Variants in LRP2 observed in about 807,000 individuals in gnomAD.
LRP2 encodes LDL receptor related protein 2.
LRP2 carries 172 observed loss-of-function variants against 531.0 expected under a neutral mutation model. That is an observed-to-expected ratio of 0.32 (90% CI 0.29 to 0.37). The LOEUF (loss-of-function observed/expected upper bound fraction) is 0.37, where lower values mean the gene tolerates loss of function less well. Ranked by LOEUF, LRP2 falls within the 10% of genes least tolerant of loss-of-function variation. The probability of loss-of-function intolerance (pLI) is 1.00; values close to 1 mark genes in which losing one functional copy is unlikely to be tolerated. For missense variants in LRP2, 5,167 were observed against 5,868.3 expected, an observed-to-expected ratio of 0.88 and a Z score of 3.90; for synonymous variants, 1,992 against 2,027.6, an observed-to-expected ratio of 0.98 and a Z score of 0.47.
intron 9 of LRP2, among the ~76,000 whole-genome samples, chr2:169,284,247 C>CTTTTTCT (rs1683782115): frequency 1.4e-5 from 1 of 72,238 alleles, no homozygotes; most frequent in Admixed American, 1.7e-4. Context: ...TTTTCTTTTT[C>CTTTTTCT]TTTTTTTTCT....
At chr2:169,208,366 T>G (rs1688471487) in intron 38 of LRP2, among the ~76,000 whole-genome samples, 1 of 152,234 alleles carries the variant, frequency 6.6e-6, no homozygotes, top group South Asian at 2.1e-4. Context: ...AATTAAAGCT[T>G]TATTTAACCA....
intron 1 of LRP2, among the ~76,000 whole-genome samples, chr2:169,337,134 A>T (rs1685427235): frequency 6.6e-6 from 1 of 151,998 alleles, no homozygotes; most frequent in Non-Finnish European, 1.5e-5. Flanking sequence ...CACGACCCTG[A>T]CCCCAAAAAT....
In LRP2 at chr2:169,129,075, A is replaced by G. The variant is rs1326760304; in HGVS notation, c.13738T>C (p.Trp4580Arg). 4.4e-6 allele frequency: 7 copies of G among 1,608,106 alleles called. No homozygotes were observed. Among genetic ancestry groups the G allele is most frequent in the African/African-American group, 4.0e-5 (3 of 74,792 alleles). Residue 4580 changes from tryptophan to arginine, a missense_variant, in exon 78 of 79, where the codon TGG becomes CGG. Trp to Arg is a moderately radical substitution (Grantham distance 101). Transcript: ENST00000649046. ...PAADGTQVTK[W>R]NLFKRKSKQT... ...TTAGATTTTCGTTTGAAGAGATTCC[A>G]TTTTGTCACCTAAATGAAAAGGGGA...
chr2:169,257,741 T>A (rs1690361823), intron 17 of LRP2, among the ~76,000 whole-genome samples: 1 of 148,910 alleles, frequency 6.7e-6, no homozygotes, highest in African/African-American at 2.5e-5. Context: ...ATCAATGCAA[T>A]GCAAACAGTA....
chr2:169,164,297 C>G (rs182811019), intron 62 of LRP2, among the ~76,000 whole-genome samples: 514 of 152,332 alleles, frequency 3.4e-3, no homozygotes, highest in South Asian at 7.5e-3. Context: ...ACATCTGGAA[C>G]TGATTGAGTG....
At chr2:169,271,360 A>G (rs1683408705) in intron 15 of LRP2, among the ~76,000 whole-genome samples, 1 of 152,070 alleles carries the variant, frequency 6.6e-6, no homozygotes, top group South Asian at 2.1e-4. Context: ...ATGTATTTAT[A>G]TGAAAAATGA....
intron 4 of LRP2, among the ~76,000 whole-genome samples, chr2:169,299,486 C>T (rs537241172): frequency 1.3e-5 from 2 of 150,828 alleles, no homozygotes; most frequent in African/African-American, 4.9e-5. Context: ...CATAACAGAG[C>T]TATCACCAAA....
At chr2:169,303,986 C>T (rs1431807385) in intron 4 of LRP2, among the ~76,000 whole-genome samples, 1 of 152,172 alleles carries the variant, frequency 6.6e-6, no homozygotes, top group Non-Finnish European at 1.5e-5. Context: ...TCCTCTGCTT[C>T]GTTCCCTTTT....
chr2:169,278,889 AG>A (rs1683625802), intron 12 of LRP2, among the ~76,000 whole-genome samples: 1 of 152,348 alleles, frequency 6.6e-6, no homozygotes, highest in South Asian at 2.1e-4. Flanking sequence ...ACTTGTAATG[AG>A]ATATTAGCAT....
In LRP2 at chr2:169,192,040, C is replaced by T; in HGVS notation, c.8831-7G>A. ...TCCGAGCAGTTTTGATTCTCTGAAA[C>T]CAAAGCACGCAAGAATCAGAAAGCA... On this transcript the variant is annotated splice_polypyrimidine_tract_variant and splice_region_variant and intron_variant, in intron 47 of 78. Coordinates refer to ENST00000649046, the MANE Select transcript of LRP2 (RefSeq NM_004525.3). 1 of 1,608,584 alleles carries T rather than the reference C, an allele frequency of 6.2e-7. No individual in the cohort carries two copies. The highest frequency in any genetic ancestry group is 1.7e-4 in the Middle Eastern group (1 of 6,022).
At chr2:169,268,237 A>C (rs1238811748) in intron 16 of LRP2, among the ~76,000 whole-genome samples, 1 of 152,176 alleles carries the variant, frequency 6.6e-6, no homozygotes, top group East Asian at 1.9e-4. Flanking sequence ...AAAAGAGGGA[A>C]TCATCCCTAA....
At chr2:169,275,603 T>C (rs867856629) in intron 13 of LRP2, among the ~76,000 whole-genome samples, 11 of 151,952 alleles carry the variant, frequency 7.2e-5, no homozygotes, top group African/African-American at 2.4e-4. Context: ...AGTGAAAGAG[T>C]ATACCAAGAC....
chr2:169,299,123 GAA>G (rs1375043180), intron 4 of LRP2, among the ~76,000 whole-genome samples: 3,349 of 88,040 alleles, frequency 0.038, 284 homozygotes, highest in Middle Eastern at 0.057. Flanking sequence ...AAGAAAGAAA[GAA>G]AGAAAGAAAG....
intron 13 of LRP2, among the ~76,000 whole-genome samples, chr2:169,276,514 AATTT>A (rs1683558552): frequency 6.6e-6 from 1 of 152,122 alleles, no homozygotes; most frequent in Non-Finnish European, 1.5e-5. Context: ...TTTTTCATAA[AATTT>A]ATTCATATTC....
At chr2:169,222,119 T>C (rs2105355416) in intron 33 of LRP2, among the ~76,000 whole-genome samples, 2 of 152,302 alleles carry the variant, frequency 1.3e-5, no homozygotes, top group South Asian at 2.1e-4. Context: ...TCTTAATTAA[T>C]CCAACAATCA....
Position 169,131,448 on chromosome 2 carries a change from T to G in LRP2, c.13728+1126A>C, listed in dbSNP as rs534459764. On this transcript the variant is annotated intron_variant, in intron 77 of 78. Transcript: ENST00000649046. Reference sequence around the variant, plus strand: ...ATGAGACTGCCAAGTTACCAAGATATCAATGTTTATAGACTATGAAATTTG... The same window carrying G: ...ATGAGACTGCCAAGTTACCAAGATAGCAATGTTTATAGACTATGAAATTTG... 3.3e-5 allele frequency among the ~76,000 whole-genome samples: 5 copies of G among 152,286 alleles called. No homozygotes were observed. In the East Asian group the frequency reaches 7.7e-4, roughly 23 times the overall value.
intron 27 of LRP2, 125 bp from the exon 28 acceptor site, chr2:169,237,412 A>C: frequency 2.6e-6 from 2 of 775,524 alleles, no homozygotes; most frequent in Non-Finnish European, 4.3e-6. Context: ...GGATTAGAAA[A>C]TTTTGTCTCC....
intron 68 of LRP2, among the ~76,000 whole-genome samples, chr2:169,148,937 T>C (rs1354456678): frequency 6.6e-6 from 1 of 152,210 alleles, no homozygotes; most frequent in African/African-American, 2.4e-5. Context: ...CTGGTTATAC[T>C]ACCAGTGGAT....
At chr2:169,278,710 A>G (rs1178245296) in intron 12 of LRP2, among the ~76,000 whole-genome samples, 1 of 152,236 alleles carries the variant, frequency 6.6e-6, no homozygotes, top group Non-Finnish European at 1.5e-5. Flanking sequence ...CATCATTCAC[A>G]AAGACTAAAA....
Sources: gnomAD v4.1 joint callset for allele counts (sites outside exome capture counted in the v4.1 genomes callset) on GRCh38, gnomAD v4.1.1 for gene constraint, MANE v1.5 for transcripts, NCBI Gene and HGNC (gene_info 2026-07-23, HGNC 2026-07-21) for gene names.